The following PPP3CA variants were observed in gnomAD, a reference collection of about 807,000 sequenced individuals.
PPP3CA encodes CAM-PRP catalytic subunit.
A neutral mutation model predicts 66.5 loss-of-function variants in PPP3CA; 14 were observed. The ratio of observed to expected loss-of-function variants is 0.21; its 90% CI spans 0.14 to 0.33. PPP3CA has a LOEUF of 0.33. PPP3CA is among the 10% of genes least tolerant of loss of function. The probability of loss-of-function intolerance (pLI) is 1.00; values close to 1 mark genes in which losing one functional copy is unlikely to be tolerated. For synonymous variants in PPP3CA, 232 were observed against 226.2 expected (o/e 1.03, Z -0.23); for missense variants, 317 against 639.5 (o/e 0.50, Z 5.44).
chr4:101,169,698 T>C (rs1481373898), intron 2 of PPP3CA, among the ~76,000 whole-genome samples: 5 of 151,764 alleles, frequency 3.3e-5, no homozygotes, highest in African/African-American at 2.4e-5. Context: ...AAAAGGCAAG[T>C]AGAGCATGCA....
chr4:101,250,812 T>C (rs1726650445), intron 1 of PPP3CA, among the ~76,000 whole-genome samples: 1 of 152,130 alleles, frequency 6.6e-6, no homozygotes, highest in African/African-American at 2.4e-5. Context: ...AAGTGTATTC[T>C]TCTTGATAAA....
chr4:101,045,780 T>G (rs1727739475), intron 10 of PPP3CA, among the ~76,000 whole-genome samples: 1 of 152,110 alleles, frequency 6.6e-6, no homozygotes, highest in Non-Finnish European at 1.5e-5. Context: ...TAAATAAAAC[T>G]TACTTTGCCA....
chr4:101,106,435 A>AG (rs1315366646), intron 3 of PPP3CA, among the ~76,000 whole-genome samples: 4 of 13,778 alleles, frequency 2.9e-4, no homozygotes, highest in Non-Finnish European at 4.5e-4. Context: ...GAAAGAAAGA[A>AG]AGAAAGAAAG....
chr4:101,315,069 C>T (rs902871484), intron 1 of PPP3CA, among the ~76,000 whole-genome samples: 1 of 152,058 alleles, frequency 6.6e-6, no homozygotes, highest in African/African-American at 2.4e-5. Flanking sequence ...TCAATCTGAT[C>T]GTATTAAGAG....
intron 10 of PPP3CA, among the ~76,000 whole-genome samples, chr4:101,055,007 T>G (rs1428740372): frequency 6.6e-6 from 1 of 152,128 alleles, no homozygotes; most frequent in African/African-American, 2.4e-5. Flanking sequence ...GGGCTTCAGT[T>G]TAACTTCCAC....
intron 2 of PPP3CA, among the ~76,000 whole-genome samples, chr4:101,151,293 G>A (rs1053022380): frequency 1.3e-5 from 2 of 152,152 alleles, no homozygotes; most frequent in South Asian, 2.1e-4. Flanking sequence ...GGCCGGGCAC[G>A]GTGGCTCATG....
intron 1 of PPP3CA, among the ~76,000 whole-genome samples, chr4:101,341,878 T>A (rs1349270784): frequency 6.6e-6 from 1 of 152,190 alleles, no homozygotes; most frequent in Non-Finnish European, 1.5e-5. Flanking sequence ...CTAGAAGTAT[T>A]CAAAATGGTA....
intron 1 of PPP3CA, among the ~76,000 whole-genome samples, chr4:101,219,897 A>G (rs1030713228): frequency 6.6e-6 from 1 of 151,846 alleles, no homozygotes; most frequent in African/African-American, 2.4e-5. Flanking sequence ...TAGTATTAAG[A>G]ATGGAACTAA....
At chr4:101,128,461 G>A (rs1259311322) in intron 2 of PPP3CA, among the ~76,000 whole-genome samples, 2 of 151,814 alleles carry the variant, frequency 1.3e-5, no homozygotes, top group Non-Finnish European at 2.9e-5. Flanking sequence ...TGGGCAAGAT[G>A]GCCGAATAGG....
intron 2 of PPP3CA, among the ~76,000 whole-genome samples, chr4:101,182,566 G>C (rs1560645154): frequency 1.3e-5 from 2 of 152,212 alleles, no homozygotes; most frequent in East Asian, 3.9e-4. Context: ...AGACAATCAA[G>C]GTTCATTAAA....
intron 10 of PPP3CA, among the ~76,000 whole-genome samples, chr4:101,060,110 T>C (rs1016599599): frequency 2.6e-5 from 4 of 152,078 alleles, no homozygotes; most frequent in Admixed American, 2.0e-4. Flanking sequence ...ATTTTTGAGA[T>C]GGGATCTTGC....
rs551164296 is a variant in PPP3CA at position 101,287,028 on chromosome 4, GA to G, written c.58+59710del. 8.3e-3 allele frequency among the ~76,000 whole-genome samples: 1,055 copies of G among 126,842 alleles called. 8 individuals carry two copies. Among genetic ancestry groups the G allele is most frequent in the African/African-American group, 0.021 (720 of 34,884 alleles). The allele number at this position is 126,842 out of a possible 152,430, so 83.2% of individuals were successfully genotyped here. On this transcript the variant is annotated intron_variant, in intron 1 of 13. Transcript: ENST00000394854. The stretch of plus-strand genomic sequence containing the variant: ...CCAGCAGGTTTTGGATTGCACAACA[GA>G]AAAAAAAAAAAAGTATGTGTGTAAT...
intron 1 of PPP3CA, among the ~76,000 whole-genome samples, chr4:101,251,057 CA>C (rs1289983237): frequency 1.3e-5 from 2 of 151,860 alleles, no homozygotes; most frequent in Non-Finnish European, 2.9e-5. Flanking sequence ...CCACTTGACA[CA>C]AAGAAAATTT....
intron 1 of PPP3CA, among the ~76,000 whole-genome samples, chr4:101,304,065 T>C (rs1433505887): frequency 6.6e-6 from 1 of 152,204 alleles, no homozygotes; most frequent in Non-Finnish European, 1.5e-5. Context: ...TTGCCTTTGT[T>C]TATGGTGTCT....
chr4:101,238,498 G>C (rs1235562311), intron 1 of PPP3CA, among the ~76,000 whole-genome samples: 1 of 151,626 alleles, frequency 6.6e-6, no homozygotes, highest in Non-Finnish European at 1.5e-5. Flanking sequence ...TTAAAAAAAT[G>C]GAATAGATGA....
chr4:101,292,116 A>ACC (rs1467822715), intron 1 of PPP3CA, among the ~76,000 whole-genome samples: 4 of 148,932 alleles, frequency 2.7e-5, no homozygotes, highest in African/African-American at 1.0e-4. Context: ...ACACACACAC[A>ACC]CACACACACA....
chr4:101,167,165 C>T (rs1723719198), intron 2 of PPP3CA, among the ~76,000 whole-genome samples: 2 of 152,128 alleles, frequency 1.3e-5, no homozygotes, highest in South Asian at 4.1e-4. Context: ...ACTCTCTAGG[C>T]TCTGTAAATG....
At chr4:101,059,740 C>T (rs979589606) in intron 10 of PPP3CA, among the ~76,000 whole-genome samples, 12 of 152,122 alleles carry the variant, frequency 7.9e-5, no homozygotes, top group Admixed American at 2.0e-4. Context: ...TTGCCCTCTT[C>T]ACCCTTTATT....
chr4:101,255,205 C>A (rs1431385498), intron 1 of PPP3CA, among the ~76,000 whole-genome samples: 1 of 151,720 alleles, frequency 6.6e-6, no homozygotes, highest in African/African-American at 2.4e-5. Context: ...AATTTTGTTT[C>A]TCCTCTCTGG....
Sources: allele counts gnomAD v4.1 joint callset (sites outside exome capture counted in the v4.1 genomes callset), GRCh38; gene constraint gnomAD v4.1.1; transcripts MANE v1.5; gene names NCBI Gene and HGNC (gene_info 2026-07-23, HGNC 2026-07-21).